Variants in PDE7B observed in about 807,000 individuals in gnomAD.
PDE7B encodes the protein phosphodiesterase 7B.
A neutral mutation model predicts 56.2 loss-of-function variants in PDE7B; 29 were observed. The ratio of observed to expected loss-of-function variants is 0.52; its 90% confidence interval spans 0.38 to 0.70. The LOEUF (loss-of-function observed/expected upper bound fraction) is 0.70. PDE7B is among the 30% of genes least tolerant of loss of function. PDE7B has a pLI of 0.00. For synonymous variants in PDE7B, 197 were observed against 196.9 expected (o/e 1.00, Z 0.00); for missense variants, 490 against 565.0 (o/e 0.87, Z 1.35).
At chr6:135,866,318 AAGTATTT>A (rs1775260601) in intron 1 of PDE7B, among the ~76,000 whole-genome samples, 1 of 152,192 alleles carries the variant, frequency 6.6e-6, no homozygotes, top group South Asian at 2.1e-4. Context: ...TTAAAATGAG[AAGTATTT>A]ATCAAAATCA....
intron 2 of PDE7B, among the ~76,000 whole-genome samples, chr6:136,012,326 G>T (rs1202487889): frequency 1.3e-5 from 2 of 152,110 alleles, no homozygotes; most frequent in Non-Finnish European, 2.9e-5. Context: ...GTGAATTTTA[G>T]ATCCTACTCT....
chr6:136,180,903 C>T (rs981596436), intron 10 of PDE7B, among the ~76,000 whole-genome samples: 3 of 152,152 alleles, frequency 2.0e-5, no homozygotes, highest in African/African-American at 7.2e-5. Context: ...ATGCAACCTC[C>T]CTGCATGCAG....
At chr6:135,897,545 T>C (rs1775924364) in intron 1 of PDE7B, among the ~76,000 whole-genome samples, 1 of 152,002 alleles carries the variant, frequency 6.6e-6, no homozygotes, top group Non-Finnish European at 1.5e-5. Flanking sequence ...AAAATGAGAA[T>C]TTACTCAGCA....
At chr6:135,959,587 G>A (rs962636878) in intron 2 of PDE7B, among the ~76,000 whole-genome samples, 6 of 152,026 alleles carry the variant, frequency 3.9e-5, no homozygotes, top group Non-Finnish European at 8.8e-5. Context: ...CTACGGAAAG[G>A]TACCTTATTT....
At chr6:136,106,941 C>T (rs1190266053) in intron 2 of PDE7B, among the ~76,000 whole-genome samples, 1 of 152,160 alleles carries the variant, frequency 6.6e-6, no homozygotes, top group African/African-American at 2.4e-5. Flanking sequence ...ATCTATTCCT[C>T]TTCCTCTCAC....
chr6:135,989,232 T>C (rs758485193), intron 2 of PDE7B, among the ~76,000 whole-genome samples: 2 of 152,334 alleles, frequency 1.3e-5, no homozygotes, highest in South Asian at 2.1e-4. Flanking sequence ...GAAAATGAGA[T>C]GATAAGGGCA....
chr6:136,187,020 C>A lies in PDE7B; in HGVS notation c.1046-16C>A. 7.2e-7 allele frequency: 1 copy of A among 1,380,852 alleles called. No homozygotes were observed. The highest frequency in any genetic ancestry group is 1.0e-6 in the Non-Finnish European group (1 of 976,596). The allele number at this position is 1,380,852 out of a possible 1,614,324, so 85.5% of individuals were successfully genotyped here. ...AGATTACCAATGTGTTTTTTTCTTT[C>A]TTTCTTTCTTCTTAGGTGAACTTGA... On this transcript the variant is annotated splice_polypyrimidine_tract_variant and intron_variant, in intron 11 of 12. Coordinates refer to ENST00000308191, the MANE Select transcript of PDE7B (RefSeq NM_018945.4).
intron 2 of PDE7B, among the ~76,000 whole-genome samples, chr6:136,009,184 A>G (rs964529697): frequency 5.3e-5 from 8 of 151,634 alleles, no homozygotes; most frequent in African/African-American, 1.5e-4. Flanking sequence ...GTTCTGTTCC[A>G]TTGGTCTATA....
chr6:135,977,822 T>C (rs1445880054), intron 2 of PDE7B, among the ~76,000 whole-genome samples: 6 of 152,024 alleles, frequency 3.9e-5, no homozygotes, highest in Non-Finnish European at 7.4e-5. Flanking sequence ...AGCTATTAGG[T>C]GGGGGCAAAA....
chr6:135,865,615 TTGTG>T (rs3037648), intron 1 of PDE7B, among the ~76,000 whole-genome samples: 1,468 of 141,676 alleles, frequency 0.01, 7 homozygotes, highest in East Asian at 0.016. Context: ...GCACTAGGCA[TTGTG>T]TGTGTGTGTG....
In PDE7B at chr6:135,943,846, A is replaced by G. The variant is rs554689150; in HGVS notation, c.22-3618A>G. ...CTCTTTATGGTCTCTGAGGGCAACA[A>G]TGGACATTACACACATGAATTCATA... On this transcript the variant is annotated intron_variant, in intron 1 of 12. Coordinates refer to ENST00000308191, the MANE Select transcript of PDE7B (RefSeq NM_018945.4). 8.5e-5 allele frequency among the ~76,000 whole-genome samples: 13 copies of G among 152,356 alleles called. No individual in the cohort carries two copies. The South Asian group carries it at 2.7e-3, about 32-fold the overall frequency.
intron 2 of PDE7B, among the ~76,000 whole-genome samples, chr6:136,014,382 T>G (rs1299268762): frequency 6.6e-6 from 1 of 152,254 alleles, no homozygotes; most frequent in African/African-American, 2.4e-5. Flanking sequence ...TGTTTCTGTG[T>G]GCATGTATAC....
At chr6:136,131,305 C>T (rs553821) in intron 3 of PDE7B, among the ~76,000 whole-genome samples, 3 of 151,914 alleles carry the variant, frequency 2.0e-5, no homozygotes, top group Non-Finnish European at 4.4e-5. Context: ...TATGTGTTTT[C>T]TAGAGGGAAG....
intron 2 of PDE7B, chr6:136,049,574 G>C (rs1184282855): frequency 1.3e-5 from 2 of 152,232 alleles, no homozygotes; most frequent in Non-Finnish European, 2.9e-5. Context: ...GGCATTAACT[G>C]ACTCTTTGTT....
chr6:136,155,970 G>A, intron 8 of PDE7B: 1 of 689,854 alleles, frequency 1.4e-6, no homozygotes, highest in Non-Finnish European at 2.7e-6. Context: ...GTTTGAAAGA[G>A]GTTTGAGGAA....
chr6:136,117,776 G>C (rs1161580443), intron 3 of PDE7B, among the ~76,000 whole-genome samples: 2 of 152,162 alleles, frequency 1.3e-5, no homozygotes, highest in African/African-American at 2.4e-5. Context: ...TGGAAGCCTG[G>C]AAGCACAGGA....
intron 2 of PDE7B, among the ~76,000 whole-genome samples, chr6:135,984,914 C>T (rs1460644952): frequency 6.6e-6 from 1 of 152,000 alleles, no homozygotes; most frequent in Non-Finnish European, 1.5e-5. Flanking sequence ...TCTACTCAAT[C>T]TTCACCAGCC....
chr6:136,176,364 A>G (rs1252361179), intron 9 of PDE7B, among the ~76,000 whole-genome samples: 3 of 152,080 alleles, frequency 2.0e-5, no homozygotes, highest in African/African-American at 4.8e-5. Flanking sequence ...CCCATTATAG[A>G]TCTTTTCAGT....
At chr6:136,128,315 G>A (rs1283276800) in intron 3 of PDE7B, among the ~76,000 whole-genome samples, 1 of 152,130 alleles carries the variant, frequency 6.6e-6, no homozygotes, top group African/African-American at 2.4e-5. Context: ...AAGATGGAAA[G>A]CTCAAAACAG....
Sources: gnomAD v4.1 joint callset for allele counts (sites outside exome capture counted in the v4.1 genomes callset) on GRCh38, gnomAD v4.1.1 for gene constraint, MANE v1.5 for transcripts, NCBI Gene and HGNC (gene_info 2026-07-23, HGNC 2026-07-21) for gene names.